The following PCSK2 variants were observed in gnomAD, a reference collection of about 807,000 sequenced individuals.
PCSK2 encodes neuroendocrine convertase 2.
A neutral mutation model predicts 69.7 loss-of-function variants in PCSK2; 14 were observed. The ratio of observed to expected loss-of-function variants is 0.20; its 90% CI spans 0.13 to 0.31. The LOEUF is 0.31. PCSK2 is among the 10% of genes least tolerant of loss of function. The pLI, the probability that PCSK2 is intolerant of heterozygous loss-of-function variation, is 1.00. For synonymous variants in PCSK2, 307 were observed against 320.7 expected (o/e 0.96, Z 0.46); for missense variants, 544 against 842.5 (o/e 0.65, Z 4.39).
chr20:17,367,310 G>A (rs538604818), intron 4 of PCSK2, among the ~76,000 whole-genome samples: 1 of 152,170 alleles, frequency 6.6e-6, no homozygotes, highest in Non-Finnish European at 1.5e-5. Context: ...TAGGACTAAT[G>A]ATGATAAGAA....
intron 1 of PCSK2, among the ~76,000 whole-genome samples, chr20:17,245,108 C>T (rs1986723462): frequency 6.6e-6 from 1 of 152,108 alleles, no homozygotes; most frequent in African/African-American, 2.4e-5. Context: ...GAGACAGTTT[C>T]CTCCCGAAGA....
chr20:17,410,725 A>T (rs2031853137), intron 6 of PCSK2, among the ~76,000 whole-genome samples: 1 of 152,238 alleles, frequency 6.6e-6, no homozygotes, highest in African/African-American at 2.4e-5. Flanking sequence ...GGTAGCATAT[A>T]TTTAGCAAAT....
chr20:17,460,324 A>G (rs569607752), intron 10 of PCSK2, among the ~76,000 whole-genome samples: 1 of 152,350 alleles, frequency 6.6e-6, no homozygotes, highest in Admixed American at 6.5e-5. Context: ...GCCATGTTGA[A>G]GGGGTTTTCC....
chr20:17,412,420 A>G (rs2031895962), intron 6 of PCSK2, among the ~76,000 whole-genome samples: 1 of 152,244 alleles, frequency 6.6e-6, no homozygotes, highest in African/African-American at 2.4e-5. Context: ...CAAGTGGAAG[A>G]AAGGGTAACA....
At chr20:17,299,147 A>C (rs1988994344) in intron 2 of PCSK2, among the ~76,000 whole-genome samples, 1 of 152,106 alleles carries the variant, frequency 6.6e-6, no homozygotes, top group Non-Finnish European at 1.5e-5. Flanking sequence ...GTCTATTCTG[A>C]GATCAACATT....
intron 1 of PCSK2, among the ~76,000 whole-genome samples, chr20:17,243,453 G>A (rs1986658170): frequency 6.7e-6 from 1 of 149,622 alleles, no homozygotes; most frequent in Non-Finnish European, 1.5e-5. Flanking sequence ...TCCTGTCTCA[G>A]CCTCCCAAAG....
chr20:17,462,728 A>G (rs905943950), intron 10 of PCSK2, among the ~76,000 whole-genome samples: 1 of 152,214 alleles, frequency 6.6e-6, no homozygotes, highest in Non-Finnish European at 1.5e-5. Context: ...ACCTTCTCAT[A>G]TATCTGCATC....
At chr20:17,260,182 C>T in intron 1 of PCSK2, 58 bp from the exon 2 acceptor site, 2 of 1,109,338 alleles carry the variant, frequency 1.8e-6, no homozygotes, top group Non-Finnish European at 2.8e-6. Flanking sequence ...TTTGGTGTCC[C>T]TGTCCCTGGG....
intron 11 of PCSK2, among the ~76,000 whole-genome samples, chr20:17,480,192 T>TC (rs1267786591): frequency 9.2e-6 from 1 of 108,672 alleles, no homozygotes; most frequent in African/African-American, 3.3e-5. Flanking sequence ...TTCTTTTTTT[T>TC]TTTTTTTTTT....
Position 17,457,739 on chromosome 20 carries a change from G to A in PCSK2, c.1202+1291G>A, listed in dbSNP as rs558417380. Among the ~76,000 whole-genome samples, 134 of 152,334 alleles carry A rather than the reference G, an allele frequency of 8.8e-4. 2 individuals are homozygous for A. The highest frequency in any genetic ancestry group is 3.1e-3 in the African/African-American group (129 of 41,578). ...TGAGCTGGCCTTGCTCACTGCATCC[G>A]CAAGGAGACAATTAGCACAGCCTGC... On this transcript the variant is annotated intron_variant, in intron 10 of 11. Transcript: ENST00000262545.
intron 5 of PCSK2, among the ~76,000 whole-genome samples, chr20:17,378,653 A>G (rs996312589): frequency 5.5e-5 from 8 of 146,190 alleles, no homozygotes; most frequent in Non-Finnish European, 1.2e-4. Flanking sequence ...GAATGGATGG[A>G]TGGATGATTG....
intron 8 of PCSK2, among the ~76,000 whole-genome samples, chr20:17,447,790 A>G (rs2032729836): frequency 1.3e-5 from 2 of 152,184 alleles, no homozygotes; most frequent in Admixed American, 1.3e-4. Flanking sequence ...CATAAAACTA[A>G]TAAAAAATTA....
intron 6 of PCSK2, among the ~76,000 whole-genome samples, chr20:17,419,537 G>A (rs1254199742): frequency 6.6e-6 from 1 of 152,168 alleles, no homozygotes; most frequent in Non-Finnish European, 1.5e-5. Context: ...CTGATTTGCT[G>A]AGAGCTATCA....
At position 17,429,451 on chromosome 20, in the gene PCSK2, G is replaced by T. The variant is rs1655996733; in HGVS notation, c.637G>T (p.Ala213Ser). 1 of 1,613,872 alleles carries T rather than the reference G, an allele frequency of 6.2e-7. No individual in the cohort carries two copies. Among genetic ancestry groups the T allele is most frequent in the Non-Finnish European group, 8.5e-7 (1 of 1,179,824 alleles). The change falls in exon 7 of 12, where the codon GCA (alanine) becomes TCA (serine). Residue 213 changes from alanine (A) to serine (S), a missense_variant. Ala to Ser is a moderately conservative substitution (Grantham distance 99). Around this residue, in one of 3 missense-constraint regions of PCSK2, gnomAD observed 187 missense variants for 399.8 expected, o/e 0.47. Coordinates refer to ENST00000262545, the MANE Select transcript of PCSK2 (RefSeq NM_002594.5). Reference sequence around the variant, plus strand: ...TTTCCAAAGCCACGGGACCCGATGTGCAGGAGAAGTTTCTGCTGCCGCCAA... The same window carrying T: ...TTTCCAAAGCCACGGGACCCGATGTTCAGGAGAAGTTTCTGCTGCCGCCAA... The part of the protein sequence containing the change: ...DWFNSHGTRC[A>S]GEVSAAANNN...
chr20:17,230,613 T>C (rs537236230), intron 1 of PCSK2, among the ~76,000 whole-genome samples: 1 of 152,246 alleles, frequency 6.6e-6, no homozygotes, highest in East Asian at 1.9e-4. Flanking sequence ...ATTATATTTA[T>C]CATTTATTTT....
intron 11 of PCSK2, among the ~76,000 whole-genome samples, chr20:17,466,424 C>T (rs1358449365): frequency 6.6e-6 from 1 of 152,124 alleles, no homozygotes; most frequent in Non-Finnish European, 1.5e-5. Flanking sequence ...TTCGTTTATT[C>T]ATTCTACCTG....
chr20:17,429,673 A>C (rs2032325133), intron 7 of PCSK2, 150 bp downstream of exon 7: 2 of 538,094 alleles, frequency 3.7e-6, no homozygotes, highest in Non-Finnish European at 3.3e-6. Flanking sequence ...TTTAACCTGC[A>C]TAACAATATC....
At chr20:17,241,881 T>C (rs1031450413) in intron 1 of PCSK2, among the ~76,000 whole-genome samples, 1 of 152,224 alleles carries the variant, frequency 6.6e-6, no homozygotes, top group Non-Finnish European at 1.5e-5. Context: ...TCCCTGATAT[T>C]CCAAAGAAAT....
intron 1 of PCSK2, among the ~76,000 whole-genome samples, chr20:17,240,332 A>T (rs768451474): frequency 3.9e-5 from 6 of 152,082 alleles, no homozygotes; most frequent in Non-Finnish European, 8.8e-5. Flanking sequence ...GACAGTTACA[A>T]CTTATCTGTG....
Sources: allele counts gnomAD v4.1 joint callset (sites outside exome capture counted in the v4.1 genomes callset), GRCh38; gene constraint gnomAD v4.1.1; regional missense constraint gnomAD v4.1.1; transcripts MANE v1.5; gene names NCBI Gene and HGNC (gene_info 2026-07-23, HGNC 2026-07-21).